ADGRL3: variants seen among roughly 807,000 people sequenced by gnomAD.
The protein encoded by ADGRL3 is calcium-independent alpha-latrotoxin receptor 3.
In ADGRL3, 62 loss-of-function variants were observed where a neutral mutation model predicts 153.5. The ratio of observed to expected loss-of-function variants is 0.40; its 90% CI spans 0.33 to 0.50. The LOEUF (loss-of-function observed/expected upper bound fraction) is 0.50, where lower values mean the gene tolerates loss of function less well. ADGRL3 is among the 20% of genes least tolerant of loss of function. The pLI is 0.47. For synonymous variants in ADGRL3, 710 were observed against 672.5 expected (o/e 1.06, Z -0.86); for missense variants, 1,641 against 1,859.4 (o/e 0.88, Z 2.16).
chr4:62,073,845 C>G lies in ADGRL3; in HGVS notation c.*2937C>G, dbSNP rs1233523602. ...CTATACATCATAAATGGCATGCTTT[C>G]AGAGAGACTTAAGATCCCAAAGATT... On this transcript the variant is annotated 3_prime_UTR_variant, in exon 27 of 27. Coordinates refer to ENST00000683033, the MANE Select transcript of ADGRL3 (RefSeq NM_001387552.1). 2.0e-5 allele frequency: 3 copies of G among 151,934 alleles called. No homozygotes were observed. The East Asian group carries it at 5.8e-4, about 29-fold the overall frequency. 9.4% of individuals were successfully genotyped at this position (151,934 alleles called of 1,614,324 possible).
chr4:61,433,863 C>T (rs1401792167), intron 2 of ADGRL3, among the ~76,000 whole-genome samples: 1 of 152,150 alleles, frequency 6.6e-6, no homozygotes, highest in Admixed American at 6.5e-5. Context: ...ATCCACCAGT[C>T]TTCCTTATCT....
chr4:61,681,269 C>A (rs2095328985), intron 6 of ADGRL3, among the ~76,000 whole-genome samples: 1 of 152,098 alleles, frequency 6.6e-6, no homozygotes, highest in Non-Finnish European at 1.5e-5. Context: ...AGCAAAGAAT[C>A]TTTACTTTGT....
intron 1 of ADGRL3, among the ~76,000 whole-genome samples, chr4:61,224,503 T>G (rs35057839): frequency 0.39 from 59,961 of 152,134 alleles, 12,923 homozygotes; most frequent in Middle Eastern, 0.53. Flanking sequence ...CTTCCAGATT[T>G]TCTCTGGAGG....
chr4:61,505,980 A>G (rs966215396), intron 3 of ADGRL3, among the ~76,000 whole-genome samples: 2 of 152,258 alleles, frequency 1.3e-5, no homozygotes, highest in African/African-American at 4.8e-5. Context: ...CATTGCTTAC[A>G]TGAAGCCCAG....
chr4:61,318,203 A>AC (rs1441785095), intron 1 of ADGRL3, among the ~76,000 whole-genome samples: 1 of 118,742 alleles, frequency 8.4e-6, no homozygotes, highest in South Asian at 2.5e-4. Flanking sequence ...CAAAAAAAAA[A>AC]AAAAAAAAAA....
chr4:61,936,713 A>T (rs2098840056), intron 15 of ADGRL3, among the ~76,000 whole-genome samples: 1 of 151,594 alleles, frequency 6.6e-6, no homozygotes, highest in South Asian at 2.1e-4. Flanking sequence ...ATATATAAAT[A>T]TGTATATATT....
chr4:61,576,579 C>T lies in ADGRL3; in HGVS notation c.260-10648C>T, dbSNP rs1379506055. On this transcript the variant is annotated intron_variant, in intron 4 of 26. Coordinates refer to ENST00000683033, the MANE Select transcript of ADGRL3 (RefSeq NM_001387552.1). ...TCACTGTCTTTAGAGTGGGAATTTA[C>T]ATTTAGCATCTAGTGTGCAGTCAAC... Among the ~76,000 whole-genome samples, 4 of 146,554 alleles carry T rather than the reference C, an allele frequency of 2.7e-5. No homozygotes were observed. In the Admixed American group the frequency reaches 2.8e-4, roughly 10 times the overall value.
At chr4:61,840,145 T>C (rs879456954) in intron 9 of ADGRL3, among the ~76,000 whole-genome samples, 3 of 152,208 alleles carry the variant, frequency 2.0e-5, no homozygotes, top group Non-Finnish European at 4.4e-5. Context: ...AGTGGTGCAA[T>C]CTCGCCTCCC....
At position 62,074,825 on chromosome 4, in the gene ADGRL3, T is replaced by G. The variant is rs1746642605; in HGVS notation, c.*3917T>G. ...TCTTTAAGATCTAGGTTTAAGATTCTTATTAGTATTAACTTAATTGGTATG... is the reference window on the plus strand; with the variant it reads ...TCTTTAAGATCTAGGTTTAAGATTCGTATTAGTATTAACTTAATTGGTATG... On this transcript the variant is annotated 3_prime_UTR_variant, in exon 27 of 27. Coordinates refer to ENST00000683033, the MANE Select transcript of ADGRL3 (RefSeq NM_001387552.1). The G allele has an allele frequency of 6.6e-6, 1 of 152,192 alleles. No individual in the cohort carries two copies. The highest frequency in any genetic ancestry group is 1.5e-5 in the Non-Finnish European group (1 of 68,032). The allele number at this position is 152,192 out of a possible 1,614,324, so 9.4% of individuals were successfully genotyped here.
At chr4:61,444,029 T>C (rs1489391073) in intron 2 of ADGRL3, among the ~76,000 whole-genome samples, 3 of 152,196 alleles carry the variant, frequency 2.0e-5, no homozygotes, top group African/African-American at 4.8e-5. Context: ...GGAATGTATT[T>C]ATATTTTGTA....
chr4:61,982,444 C>G (rs761076507), intron 18 of ADGRL3, among the ~76,000 whole-genome samples: 8 of 152,078 alleles, frequency 5.3e-5, no homozygotes, highest in Non-Finnish European at 1.2e-4. Context: ...TTTGACCTGC[C>G]CTTTTGTCTC....
intron 6 of ADGRL3, among the ~76,000 whole-genome samples, chr4:61,727,666 A>G (rs1273572701): frequency 2.0e-5 from 3 of 152,098 alleles, no homozygotes; most frequent in African/African-American, 2.4e-5. Flanking sequence ...AATACCACCC[A>G]TATACTTTTT....
chr4:61,634,194 G>A (rs2093316437), intron 5 of ADGRL3, among the ~76,000 whole-genome samples: 2 of 152,126 alleles, frequency 1.3e-5, no homozygotes, highest in Non-Finnish European at 2.9e-5. Context: ...GACAGTCTCA[G>A]TATTAATGCC....
intron 5 of ADGRL3, among the ~76,000 whole-genome samples, chr4:61,670,549 G>T (rs1242265050): frequency 6.6e-6 from 1 of 151,914 alleles, no homozygotes; most frequent in Non-Finnish European, 1.5e-5. Flanking sequence ...GTTTAGCAAG[G>T]TCCAAATTCT....
At chr4:61,892,239 C>T (rs899702918) in intron 9 of ADGRL3, among the ~76,000 whole-genome samples, 2 of 150,600 alleles carry the variant, frequency 1.3e-5, no homozygotes, top group East Asian at 2.0e-4. Context: ...CCATATTACA[C>T]TTCATGTGAA....
At chr4:61,807,295 C>T (rs2097562275) in intron 8 of ADGRL3, among the ~76,000 whole-genome samples, 1 of 150,096 alleles carries the variant, frequency 6.7e-6, no homozygotes, top group Non-Finnish European at 1.5e-5. Flanking sequence ...TGTTATTTTG[C>T]TCAATCTTTG....
chr4:61,373,425 A>C (rs186926216), intron 1 of ADGRL3, among the ~76,000 whole-genome samples: 24 of 152,328 alleles, frequency 1.6e-4, no homozygotes, highest in African/African-American at 5.8e-4. Flanking sequence ...TTATGTTTGC[A>C]TATTTATCCC....
At chr4:61,842,071 A>G (rs1048317730) in intron 9 of ADGRL3, among the ~76,000 whole-genome samples, 1 of 152,228 alleles carries the variant, frequency 6.6e-6, no homozygotes, top group Non-Finnish European at 1.5e-5. Flanking sequence ...TTTTTTTTAA[A>G]TGTACAACAG....
intron 2 of ADGRL3, chr4:61,420,329 A>C (rs1047254314): frequency 4.0e-5 from 6 of 149,446 alleles, no homozygotes; most frequent in African/African-American, 1.5e-4. Flanking sequence ...TAAAATATTC[A>C]TTGGTTAGTT....
Sources: gnomAD v4.1 joint callset for allele counts (sites outside exome capture counted in the v4.1 genomes callset) on GRCh38, gnomAD v4.1.1 for gene constraint, MANE v1.5 for transcripts, NCBI Gene and HGNC (gene_info 2026-07-23, HGNC 2026-07-21) for gene names.